DENND1A: variants seen among roughly 807,000 people sequenced by gnomAD.
The protein encoded by DENND1A is DENN domain-containing protein 1A.
DENND1A carries 51 observed loss-of-function variants against 113.7 expected under a neutral mutation model. That is an observed-to-expected ratio of 0.45 (90% CI 0.36 to 0.57). DENND1A has a LOEUF of 0.57. DENND1A is among the 20% of genes least tolerant of loss of function. DENND1A has a pLI of 0.00. For missense variants in DENND1A, 1,258 were observed against 1,395.9 expected (o/e 0.90, Z 1.57); for synonymous variants, 565 against 570.8 (o/e 0.99, Z 0.14).
intron 19 of DENND1A, among the ~76,000 whole-genome samples, chr9:123,420,560 C>A (rs1005977140): frequency 6.6e-6 from 1 of 152,172 alleles, no homozygotes; most frequent in Non-Finnish European, 1.5e-5. Flanking sequence ...ACGACTCTCT[C>A]CGGCTGGGTC....
chr9:123,796,095 AT>A (rs1179590331), intron 2 of DENND1A, among the ~76,000 whole-genome samples: 7 of 152,220 alleles, frequency 4.6e-5, no homozygotes, highest in Non-Finnish European at 8.8e-5. Context: ...CAGGAAAAAA[AT>A]ATTGTATTTA....
At chr9:123,902,140 A>G (rs896247926) in intron 1 of DENND1A, among the ~76,000 whole-genome samples, 1 of 151,214 alleles carries the variant, frequency 6.6e-6, no homozygotes, top group African/African-American at 2.4e-5. Flanking sequence ...TTTACCCTTC[A>G]GTCCTGGTTA....
intron 9 of DENND1A, among the ~76,000 whole-genome samples, chr9:123,633,782 A>G (rs111884752): frequency 0.02 from 2,997 of 152,314 alleles, 49 homozygotes; most frequent in Admixed American, 0.031. Context: ...TCCCCCCAAA[A>G]AAGAAAGAAA....
At chr9:123,686,763 C>T (rs1199232415) in intron 5 of DENND1A, among the ~76,000 whole-genome samples, 1 of 152,078 alleles carries the variant, frequency 6.6e-6, no homozygotes, top group Non-Finnish European at 1.5e-5. Flanking sequence ...AAACTATGGC[C>T]TATGTCTTAG....
chr9:123,872,469 CAT>C (rs1475275588), intron 2 of DENND1A, among the ~76,000 whole-genome samples: 1 of 152,096 alleles, frequency 6.6e-6, no homozygotes, highest in East Asian at 1.9e-4. Flanking sequence ...GAGGAAAACA[CAT>C]ATAGCTGAGA....
intron 5 of DENND1A, among the ~76,000 whole-genome samples, chr9:123,757,155 G>A (rs938048198): frequency 2.0e-4 from 30 of 152,178 alleles, no homozygotes; most frequent in African/African-American, 7.0e-4. Context: ...TGTGGCTCTG[G>A]TGTATGAGGG....
intron 5 of DENND1A, among the ~76,000 whole-genome samples, chr9:123,679,587 T>C (rs926210591): frequency 3.3e-5 from 5 of 152,220 alleles, no homozygotes; most frequent in Admixed American, 6.5e-5. Flanking sequence ...GTGATGGCAG[T>C]GTTAAGGTTT....
intron 2 of DENND1A, among the ~76,000 whole-genome samples, chr9:123,849,982 C>T (rs1235202812): frequency 9.9e-5 from 15 of 152,188 alleles, no homozygotes. Flanking sequence ...TGAGAAGTTG[C>T]TTCTTACAAA....
At chr9:123,454,718 C>A (rs921471217) in intron 16 of DENND1A, 21 bp downstream of exon 16, 1 of 1,553,008 alleles carries the variant, frequency 6.4e-7, no homozygotes, top group Admixed American at 2.0e-5. Flanking sequence ...CCAGGGGGCT[C>A]TGAATTGGGT....
rs146864405 is a variant in DENND1A at position 123,444,971 on chromosome 9, C to T, written c.1357-4480G>A. Among the ~76,000 whole-genome samples the T allele has an allele frequency of 2.2e-3, 335 of 152,302 alleles. 9 individuals carry two copies. The East Asian group carries it at 0.05, about 23-fold the overall frequency. On this transcript the variant is annotated intron_variant, in intron 18 of 23. Coordinates refer to ENST00000394215, the MANE Select transcript of DENND1A (RefSeq NM_001352964.2). ...GGTGGCAAATCTCTTCCTGGAGCCCCGAGGCTCAGCTCAGAGAGTTACGGG... is the reference window on the plus strand; with the variant it reads ...GGTGGCAAATCTCTTCCTGGAGCCCTGAGGCTCAGCTCAGAGAGTTACGGG...
intron 13 of DENND1A, among the ~76,000 whole-genome samples, chr9:123,493,832 T>C (rs2051610713): frequency 1.3e-5 from 2 of 152,100 alleles, no homozygotes; most frequent in South Asian, 4.2e-4. Flanking sequence ...CAGGCGACCA[T>C]TGCTTGGACC....
intron 5 of DENND1A, among the ~76,000 whole-genome samples, chr9:123,682,033 C>T (rs1020811313): frequency 2.6e-5 from 4 of 152,158 alleles, no homozygotes; most frequent in East Asian, 1.9e-4. Flanking sequence ...CAGAAGAAAG[C>T]GCATGAGCGA....
intron 1 of DENND1A, among the ~76,000 whole-genome samples, chr9:123,889,297 A>G (rs2133740485): frequency 6.6e-6 from 1 of 152,288 alleles, no homozygotes; most frequent in Admixed American, 6.5e-5. Context: ...TCATCTCAAA[A>G]GTTGTTTCAG....
chr9:123,875,170 C>A (rs1358513040), intron 2 of DENND1A, among the ~76,000 whole-genome samples: 1 of 152,094 alleles, frequency 6.6e-6, no homozygotes, highest in South Asian at 2.1e-4. Context: ...GAAGGCGGCA[C>A]AATTCAATTA....
At chr9:123,490,454 T>TG (rs954547945) in intron 13 of DENND1A, among the ~76,000 whole-genome samples, 2 of 151,866 alleles carry the variant, frequency 1.3e-5, no homozygotes, top group Non-Finnish European at 2.9e-5. Context: ...CCAGGCGTGG[T>TG]GGGGGGCACC....
At chr9:123,569,590 C>G in intron 12 of DENND1A, 1 of 152,278 alleles carries the variant, frequency 6.6e-6, no homozygotes, top group East Asian at 1.9e-4. Context: ...TCACGATGCT[C>G]TCTTCCTGAA....
intron 2 of DENND1A, among the ~76,000 whole-genome samples, chr9:123,839,552 T>C (rs1288710386): frequency 6.6e-6 from 1 of 152,214 alleles, no homozygotes; most frequent in Non-Finnish European, 1.5e-5. Context: ...TTAATCCACT[T>C]ATCCAATAAT....
At chr9:123,656,031 G>A (rs1178162990) in intron 8 of DENND1A, among the ~76,000 whole-genome samples, 3 of 152,216 alleles carry the variant, frequency 2.0e-5, no homozygotes, top group Non-Finnish European at 2.9e-5. Context: ...GCAACATACC[G>A]TGGTTGAGGC....
Position 123,690,219 on chromosome 9 carries a change from C to T in DENND1A, c.303-13430G>A, listed in dbSNP as rs1457528638. ...TATGTGTCACATGCCATCATATATG[C>T]TCCTAGAAAGACCAGAAGAAAAGAC... On this transcript the variant is annotated intron_variant, in intron 5 of 23. Transcript: ENST00000394215. Among the ~76,000 whole-genome samples the T allele has an allele frequency of 2.0e-5, 3 of 152,000 alleles. No individual in the cohort carries two copies. In the South Asian group the frequency reaches 6.2e-4, roughly 32 times the overall value.
Sources: allele counts gnomAD v4.1 joint callset (sites outside exome capture counted in the v4.1 genomes callset), GRCh38; gene constraint gnomAD v4.1.1; transcripts MANE v1.5; gene names NCBI Gene and HGNC (gene_info 2026-07-23, HGNC 2026-07-21).